The following POLR3E variants were observed in gnomAD, a reference collection of about 807,000 sequenced individuals.
POLR3E encodes RNA polymerase III subunit E.
Under a neutral mutation model 96.6 loss-of-function variants are expected in POLR3E, and 41 were observed. The ratio of observed to expected loss-of-function variants is 0.42; its 90% CI spans 0.33 to 0.55. POLR3E has a LOEUF of 0.55. POLR3E is among the 20% of genes least tolerant of loss of function. The pLI, the probability that POLR3E is intolerant of heterozygous loss-of-function variation, is 0.06. For synonymous variants in POLR3E, 396 were observed against 383.6 expected, an observed-to-expected ratio of 1.03 and a Z score of -0.38; for missense variants, 849 against 952.1, an observed-to-expected ratio of 0.89 and a Z score of 1.43.
At chr16:22,326,610 T>G (rs796165182) in intron 18 of POLR3E, 4 of 434,136 alleles carry the variant, frequency 9.2e-6, no homozygotes, top group African/African-American at 6.0e-5. Flanking sequence ...TCCTACTAGC[T>G]TTGCCATTGT....
chr16:22,325,298 G>A (rs760615327), intron 17 of POLR3E, 32 bp downstream of exon 17: 19 of 1,565,044 alleles, frequency 1.2e-5, no homozygotes, highest in Middle Eastern at 3.3e-4. Context: ...GGGAGGCCCC[G>A]GCTCCTACAC....
chr16:22,333,839 A>G lies in POLR3E; in HGVS notation c.*139A>G, dbSNP rs1335829219. 6.4e-6 allele frequency: 4 copies of G among 621,078 alleles called. No homozygotes were observed. Among genetic ancestry groups the G allele is most frequent in the Middle Eastern group, 3.5e-4 (1 of 2,874 alleles). 38.5% of individuals were successfully genotyped at this position (621,078 alleles called of 1,614,324 possible). ...CATGACCTGTGGCATTGCACGGTGCAGTGGACAGAAGGGATTATCCTCAGC... is the reference window on the plus strand; with the variant it reads ...CATGACCTGTGGCATTGCACGGTGCGGTGGACAGAAGGGATTATCCTCAGC... On this transcript the variant is annotated 3_prime_UTR_variant, in exon 21 of 21. Transcript: ENST00000299853.
rs1027019332 is a variant in POLR3E at position 22,333,667 on chromosome 16, C to T, written c.2094C>T (p.Gly698=). The change falls in exon 21 of 21, where the codon GGC becomes GGT. Residue 698 remains glycine (G), a synonymous_variant. Coordinates refer to ENST00000299853, the MANE Select transcript of POLR3E (RefSeq NM_018119.4). The part of the protein sequence containing the change: ...VLKDCCVSYG[G]MWYLKGTVQS ...AGGACTGCTGTGTAAGCTATGGTGG[C>T]ATGTGGTACCTTAAAGGGACAGTAC... 7 of 1,611,414 alleles carry T rather than the reference C, an allele frequency of 4.3e-6. No homozygotes were observed. Among genetic ancestry groups the T allele is most frequent in the South Asian group, 2.2e-5 (2 of 91,032 alleles).
chr16:22,328,364 A>G (rs1001261783), intron 18 of POLR3E, 146 bp from the exon 19 acceptor site: 10 of 683,948 alleles, frequency 1.5e-5, no homozygotes, highest in Non-Finnish European at 2.6e-5. Context: ...TGGCTGCCCA[A>G]GGCCCTCAGA....
Position 22,318,867 on chromosome 16 carries a change from C to A in POLR3E, c.907C>A (p.Pro303Thr), listed in dbSNP as rs200549196. 5.4e-4 allele frequency: 873 copies of A among 1,613,402 alleles called. 1 individual carries two copies. The highest frequency in any genetic ancestry group is 1.3e-3 in the South Asian group (114 of 91,042). The change falls in exon 13 of 21, where the codon CCC becomes ACC. Residue 303 changes from proline to threonine, a missense_variant. Transcript: ENST00000299853. The surrounding 1 kb of genome is among the most constrained non-coding windows in gnomAD (Gnocchi z 5.0). ...TGCCAACTTGATGAGCCTCCTGGGC[C>A]CCTCCATCGATTCCGTGGCTGTTCT... is the stretch of plus-strand genomic sequence containing the variant. The part of the protein sequence containing the change: ...PFANLMSLLG[P>T]SIDSVAVLRG...
chr16:22,324,674 G>C lies in POLR3E; in HGVS notation c.1286+14G>C. ...TATCCAGGCCAAGTAAGCACCCTGG[G>C]CCAGGGAGGGGCAGCCCGGTGATCC... On this transcript the variant is annotated intron_variant, in intron 16 of 20. Coordinates refer to ENST00000299853, the MANE Select transcript of POLR3E (RefSeq NM_018119.4). 1.2e-6 allele frequency: 2 copies of C among 1,613,658 alleles called. No homozygotes were observed. Among genetic ancestry groups the C allele is most frequent in the South Asian group, 2.2e-5 (2 of 91,076 alleles).
Position 22,325,917 on chromosome 16 carries a change from T to TGAGCGAGGA in POLR3E, c.1507_1515dup (p.Ser503_Glu505dup), listed in dbSNP as rs1367265467. 17 of 1,602,826 alleles carry TGAGCGAGGA rather than the reference T, an allele frequency of 1.1e-5. No homozygotes were observed. The highest frequency in any genetic ancestry group is 8.7e-5 in the Admixed American group (5 of 57,654). On this transcript the variant is annotated inframe_insertion, in exon 18 of 21. Coordinates refer to ENST00000299853, the MANE Select transcript of POLR3E (RefSeq NM_018119.4). ...GGTGTGCGGATCAAGGAGGAGCCCG[T>TGAGCGAGGA]GAGCGAGGAGGGCGAGGAGGACGAG...
intron 1 of POLR3E, among the ~76,000 whole-genome samples, chr16:22,299,734 A>G (rs1236181344): frequency 6.6e-6 from 1 of 151,218 alleles, no homozygotes; most frequent in African/African-American, 2.4e-5. Context: ...CCCAGTAGAG[A>G]TCGAGTCTCA....
chr16:22,314,172 A>G, intron 8 of POLR3E, 44 bp downstream of exon 8: 2 of 1,543,378 alleles, frequency 1.3e-6, no homozygotes, highest in African/African-American at 1.4e-5. Context: ...CCTGGGCGGC[A>G]GCAGGACCAG....
intron 13 of POLR3E, among the ~76,000 whole-genome samples, chr16:22,319,462 G>A (rs1028393563): frequency 6.7e-5 from 10 of 150,082 alleles, no homozygotes; most frequent in African/African-American, 2.2e-4. Context: ...GCAGTGGTGC[G>A]ATCTCGGCTC....
intron 19 of POLR3E, among the ~76,000 whole-genome samples, chr16:22,329,321 C>T (rs1158468856): frequency 6.6e-6 from 1 of 152,162 alleles, no homozygotes; most frequent in African/African-American, 2.4e-5. Context: ...TGCCTCTAGT[C>T]ATACTGTGAT....
chr16:22,331,907 A>G, intron 19 of POLR3E, 153 bp from the exon 20 acceptor site: 1 of 679,746 alleles, frequency 1.5e-6, no homozygotes, highest in South Asian at 1.8e-5. Flanking sequence ...GTCTCTAGAG[A>G]TGACTTGGCT....
chr16:22,305,688 C>T (rs2048119484), intron 3 of POLR3E, among the ~76,000 whole-genome samples: 1 of 152,094 alleles, frequency 6.6e-6, no homozygotes, highest in African/African-American at 2.4e-5. Flanking sequence ...AGCTCCATGG[C>T]AGCGTCTGTG....
intron 13 of POLR3E, 124 bp downstream of exon 13, chr16:22,319,070 G>A (rs1319940584): frequency 1.6e-6 from 1 of 621,518 alleles, no homozygotes; most frequent in Non-Finnish European, 2.6e-6. Flanking sequence ...TCCCTCCCAG[G>A]TCCAAGCAAC....
rs370478447 is a variant in POLR3E, at chr16:22,322,921, G to A, written c.1058G>A (p.Arg353Gln). ...GVPAEVLCRG[R>Q]DFVMWKFTQS... ...CCTGCTGAGGTGCTCTGCAGGGGCC[G>A]AGACTTCGTTGTAAGTACCTTGGGT... The change falls in exon 14 of 21, where the codon CGA (arginine) becomes CAA (glutamine). Residue 353 changes from arginine to glutamine, a missense_variant. Arg to Gln is a conservative substitution (Grantham distance 43, BLOSUM62 1). Coordinates refer to ENST00000299853, the MANE Select transcript of POLR3E (RefSeq NM_018119.4). This position sits in a 1 kb window ranked among gnomAD's most constrained non-coding sequence, Gnocchi z 5.2. 7 of 1,611,314 alleles carry A rather than the reference G, an allele frequency of 4.3e-6. No individual in the cohort carries two copies. Among genetic ancestry groups the A allele is most frequent in the African/African-American group, 2.7e-5 (2 of 74,848 alleles).
intron 6 of POLR3E, among the ~76,000 whole-genome samples, chr16:22,310,595 A>G (rs2048225639): frequency 6.9e-6 from 1 of 144,244 alleles, no homozygotes; most frequent in South Asian, 2.4e-4. Flanking sequence ...CCTGTGTCTT[A>G]GTTTTTAGTA....
chr16:22,306,599 C>A (rs1040913447), intron 3 of POLR3E, among the ~76,000 whole-genome samples: 1 of 152,144 alleles, frequency 6.6e-6, no homozygotes, highest in African/African-American at 2.4e-5. Flanking sequence ...GTATGGGAGA[C>A]CACAGTTTGT....
intron 19 of POLR3E, among the ~76,000 whole-genome samples, chr16:22,329,385 C>G (rs979575255): frequency 6.6e-6 from 1 of 152,148 alleles, no homozygotes; most frequent in Non-Finnish European, 1.5e-5. Context: ...GCAGCAGCGC[C>G]TTGCGTGTGT....
chr16:22,298,531 G>A (rs1184924799), intron 1 of POLR3E, among the ~76,000 whole-genome samples: 1 of 152,124 alleles, frequency 6.6e-6, no homozygotes, highest in Non-Finnish European at 1.5e-5. Context: ...CAACTCAGGT[G>A]GGTCACAGAT....
Sources: gnomAD v4.1 joint callset for allele counts (sites outside exome capture counted in the v4.1 genomes callset) on GRCh38, gnomAD v4.1.1 for gene constraint, Gnocchi (gnomAD v3.1) non-coding constraint, MANE v1.5 for transcripts, NCBI Gene and HGNC (gene_info 2026-07-23, HGNC 2026-07-21) for gene names.